Variants in CLIC4 observed in about 807,000 individuals in gnomAD.
CLIC4 encodes chloride intracellular channel protein 4.
A neutral mutation model predicts 24.6 loss-of-function variants in CLIC4; 13 were observed. The ratio of observed to expected loss-of-function variants is 0.53; its 90% CI spans 0.34 to 0.84. CLIC4 has a LOEUF of 0.84. Among genes scored for constraint, CLIC4 ranks in the 40% least tolerant of loss-of-function variants. The pLI, the probability that CLIC4 is intolerant of heterozygous loss-of-function variation, is 0.01. For missense variants in CLIC4, 227 were observed against 301.7 expected (o/e 0.75, Z 1.83); for synonymous variants, 104 against 111.3 (o/e 0.93, Z 0.41).
chr1:24,820,776 A>T (rs1639722257), intron 3 of CLIC4, among the ~76,000 whole-genome samples: 1 of 152,176 alleles, frequency 6.6e-6, no homozygotes, highest in Non-Finnish European at 1.5e-5. Flanking sequence ...TTATTATATA[A>T]ATTCTTCCAA....
chr1:24,829,648 A>G (rs1372842160), intron 4 of CLIC4, among the ~76,000 whole-genome samples: 1 of 152,182 alleles, frequency 6.6e-6, no homozygotes, highest in Admixed American at 6.6e-5. Context: ...TAATACTCAT[A>G]AAAGAGATGT....
At chr1:24,750,441 T>C (rs1360836725) in intron 1 of CLIC4, among the ~76,000 whole-genome samples, 1 of 151,012 alleles carries the variant, frequency 6.6e-6, no homozygotes, top group Non-Finnish European at 1.5e-5. Context: ...TCTTTCTTTT[T>C]TTTTTTTTTT....
intron 1 of CLIC4, among the ~76,000 whole-genome samples, chr1:24,749,040 C>T (rs941524777): frequency 2.0e-5 from 3 of 151,898 alleles, no homozygotes; most frequent in Admixed American, 6.6e-5. Context: ...ATGGCGAAAC[C>T]GCATTTCTAC....
chr1:24,826,593 G>A (rs1057029889), intron 3 of CLIC4, among the ~76,000 whole-genome samples: 5 of 152,154 alleles, frequency 3.3e-5, no homozygotes, highest in Non-Finnish European at 7.4e-5. Context: ...ATTCAAATAG[G>A]TACATGGCAC....
chr1:24,760,889 A>G (rs1571231261), intron 1 of CLIC4, among the ~76,000 whole-genome samples: 4 of 152,158 alleles, frequency 2.6e-5, no homozygotes, highest in Non-Finnish European at 5.9e-5. Context: ...TTAACGGGGC[A>G]TTCCATTATC....
intron 1 of CLIC4, among the ~76,000 whole-genome samples, chr1:24,780,753 A>G (rs754828731): frequency 5.3e-4 from 81 of 152,324 alleles, no homozygotes; most frequent in African/African-American, 1.9e-3. Context: ...AGATCGTCTA[A>G]TAAGTTGTGA....
chr1:24,793,823 A>G (rs1639367502), intron 1 of CLIC4, among the ~76,000 whole-genome samples: 2 of 150,950 alleles, frequency 1.3e-5, no homozygotes, highest in South Asian at 4.2e-4. Context: ...AACTCCCTTT[A>G]CCTCTCCATT....
rs186266529 is a variant in CLIC4 at position 24,814,408 on chromosome 1, G to A, written c.308+189G>A. ...AGGCCAATCAGCCATACTAAGAAAG[G>A]TGGGGATTTGTCTAAGCTGTAGAAT... On this transcript the variant is annotated intron_variant, in intron 3 of 5. Coordinates refer to ENST00000374379, the MANE Select transcript of CLIC4 (RefSeq NM_013943.3). 1.1e-4 allele frequency among the ~76,000 whole-genome samples: 16 copies of A among 152,308 alleles called. No homozygotes were observed. In the East Asian group the frequency reaches 1.9e-3, roughly 18 times the overall value.
At chr1:24,798,567 A>G (rs1557805409) in intron 2 of CLIC4, among the ~76,000 whole-genome samples, 1 of 152,182 alleles carries the variant, frequency 6.6e-6, no homozygotes, top group Non-Finnish European at 1.5e-5. Flanking sequence ...TGAGGTGAAG[A>G]ACATTCATAC....
intron 1 of CLIC4, among the ~76,000 whole-genome samples, chr1:24,760,265 C>T (rs559701384): frequency 6.6e-6 from 1 of 151,970 alleles, no homozygotes; most frequent in African/African-American, 2.4e-5. Context: ...ACTTGGGAGG[C>T]TGAGGCAGGA....
intron 1 of CLIC4, among the ~76,000 whole-genome samples, chr1:24,789,304 G>C (rs1322948928): frequency 6.6e-6 from 1 of 152,186 alleles, no homozygotes; most frequent in Non-Finnish European, 1.5e-5. Flanking sequence ...AATCACTTGA[G>C]GTCAGGAGTT....
chr1:24,756,746 A>T (rs186457994), intron 1 of CLIC4, among the ~76,000 whole-genome samples: 91 of 152,076 alleles, frequency 6.0e-4, no homozygotes, highest in Non-Finnish European at 9.6e-4. Context: ...TTTGAAATGG[A>T]GTCTCACTCT....
intron 1 of CLIC4, among the ~76,000 whole-genome samples, chr1:24,745,969 T>C (rs2124069727): frequency 6.7e-6 from 1 of 150,346 alleles, no homozygotes; most frequent in African/African-American, 2.4e-5. Flanking sequence ...GCGCGGGTCC[T>C]GTCACCACCC....
intron 1 of CLIC4, among the ~76,000 whole-genome samples, chr1:24,755,018 G>C (rs899606588): frequency 4.0e-5 from 6 of 149,820 alleles, no homozygotes; most frequent in Non-Finnish European, 5.9e-5. Flanking sequence ...GTTGCAGTGA[G>C]CTGAGATTGT....
chr1:24,816,653 T>TTAAA lies in CLIC4; in HGVS notation c.308+2438_308+2441dup, dbSNP rs539632193. On this transcript the variant is annotated intron_variant, in intron 3 of 5. Coordinates refer to ENST00000374379, the MANE Select transcript of CLIC4 (RefSeq NM_013943.3). ...TCTATGGCCTTATGAAATGTGTTTA[T>TTAAA]TAAATAATAAGACTTGAAAGTCAAA... Among the ~76,000 whole-genome samples, 10 of 152,314 alleles carry TTAAA rather than the reference T, an allele frequency of 6.6e-5. No individual in the cohort carries two copies. The East Asian group carries it at 1.9e-3, about 29-fold the overall frequency.
At chr1:24,787,521 C>T (rs1351806188) in intron 1 of CLIC4, among the ~76,000 whole-genome samples, 1 of 151,868 alleles carries the variant, frequency 6.6e-6, no homozygotes, top group Non-Finnish European at 1.5e-5. Context: ...AGTTGTGCAA[C>T]CATTACCAGG....
intron 4 of CLIC4, among the ~76,000 whole-genome samples, chr1:24,837,936 T>C (rs1181584579): frequency 1.3e-5 from 2 of 152,216 alleles, no homozygotes; most frequent in East Asian, 3.8e-4. Context: ...CTCCATGGTT[T>C]CGGTGTTCAT....
chr1:24,806,260 CAG>C (rs1639549534), intron 2 of CLIC4, among the ~76,000 whole-genome samples: 1 of 152,178 alleles, frequency 6.6e-6, no homozygotes, highest in Non-Finnish European at 1.5e-5. Context: ...GTGGGTCAAA[CAG>C]AACACCTGAG....
At chr1:24,785,854 C>CAAAAAAAA (rs61009244) in intron 1 of CLIC4, among the ~76,000 whole-genome samples, 197 of 58,796 alleles carry the variant, frequency 3.4e-3, no homozygotes, top group African/African-American at 4.5e-3. Context: ...GACTACAACT[C>CAAAAAAAA]AAAAAAAAAA....
Sources: gnomAD v4.1 joint callset for allele counts (sites outside exome capture counted in the v4.1 genomes callset) on GRCh38, gnomAD v4.1.1 for gene constraint, MANE v1.5 for transcripts, NCBI Gene and HGNC (gene_info 2026-07-23, HGNC 2026-07-21) for gene names.